EPHA6: variants seen among roughly 807,000 people sequenced by gnomAD.
EPHA6 encodes EPH receptor A6, also known as ephrin type-A receptor 6.
EPHA6 carries 50 observed loss-of-function variants against 112.0 expected under a neutral mutation model. That is an observed-to-expected ratio of 0.45 (90% CI 0.36 to 0.56). The LOEUF (loss-of-function observed/expected upper bound fraction) is 0.56. Ranked by LOEUF, EPHA6 falls within the 20% of genes least tolerant of loss-of-function variation. The pLI is 0.00. For missense variants in EPHA6, 1,280 were observed against 1,417.4 expected (o/e 0.90, Z 1.56); for synonymous variants, 529 against 490.7 (o/e 1.08, Z -1.03).
At chr3:96,916,178 T>C (rs2039474525) in intron 2 of EPHA6, among the ~76,000 whole-genome samples, 1 of 152,146 alleles carries the variant, frequency 6.6e-6, no homozygotes, top group Admixed American at 6.6e-5. Flanking sequence ...TTGAGCTTCT[T>C]GGTTCCAGGG....
chr3:97,735,844 T>C (rs1489187051), intron 15 of EPHA6, 81 bp from the exon 16 acceptor site: 2 of 1,087,840 alleles, frequency 1.8e-6, no homozygotes, highest in African/African-American at 1.6e-5. Context: ...TTTTGGCTTC[T>C]TCTGCTTGTA....
At chr3:97,525,949 T>G (rs2107632382) in intron 10 of EPHA6, among the ~76,000 whole-genome samples, 1 of 152,276 alleles carries the variant, frequency 6.6e-6, no homozygotes, top group South Asian at 2.1e-4. Flanking sequence ...GGACTCCTGT[T>G]GGATAACTAA....
At chr3:96,828,936 G>T (rs2033838423) in intron 1 of EPHA6, among the ~76,000 whole-genome samples, 1 of 152,152 alleles carries the variant, frequency 6.6e-6, no homozygotes, top group East Asian at 1.9e-4. Flanking sequence ...AATACTTGCA[G>T]ATCTAGAGAT....
At chr3:97,742,612 A>G (rs146130659) in intron 16 of EPHA6, among the ~76,000 whole-genome samples, 1 of 152,264 alleles carries the variant, frequency 6.6e-6, no homozygotes, top group East Asian at 1.9e-4. Context: ...TGTCCTTAAC[A>G]CTGTGGAGTT....
chr3:97,195,925 T>C (rs928206338), intron 3 of EPHA6, among the ~76,000 whole-genome samples: 1 of 152,072 alleles, frequency 6.6e-6, no homozygotes, highest in Admixed American at 6.6e-5. Flanking sequence ...TCTTTATCCT[T>C]GACTTTTATG....
intron 14 of EPHA6, among the ~76,000 whole-genome samples, chr3:97,714,119 G>A (rs1268739830): frequency 6.6e-6 from 1 of 152,210 alleles, no homozygotes; most frequent in Non-Finnish European, 1.5e-5. Context: ...GGGCATGGTA[G>A]GGGTGAGTTC....
intron 3 of EPHA6, among the ~76,000 whole-genome samples, chr3:97,142,962 G>T (rs1002272878): frequency 6.6e-6 from 1 of 151,820 alleles, no homozygotes; most frequent in African/African-American, 2.4e-5. Flanking sequence ...ATTCAACATA[G>T]TACTGGATTC....
At chr3:97,225,264 T>C (rs1293613288) in intron 3 of EPHA6, among the ~76,000 whole-genome samples, 2 of 152,188 alleles carry the variant, frequency 1.3e-5, no homozygotes, top group Non-Finnish European at 2.9e-5. Flanking sequence ...AATTTTGGGC[T>C]AATTATTAAC....
intron 2 of EPHA6, among the ~76,000 whole-genome samples, chr3:96,901,002 T>C (rs1281694471): frequency 1.3e-5 from 2 of 152,192 alleles, no homozygotes; most frequent in African/African-American, 4.8e-5. Context: ...TAAACTTGAT[T>C]TCATGGCTAG....
Position 97,092,557 on chromosome 3 carries a change from G to C in EPHA6, c.1114+104564G>C, listed in dbSNP as rs568877047. On this transcript the variant is annotated intron_variant, in intron 3 of 17. Coordinates refer to ENST00000389672, the MANE Select transcript of EPHA6 (RefSeq NM_001080448.3). ...CAAAAGTATATCTATAAATCTGGCT[G>C]AGTGAATTAACTCAGCAGGTCTATT... 2.6e-5 allele frequency among the ~76,000 whole-genome samples: 4 copies of C among 152,172 alleles called. No homozygotes were observed. In the South Asian group the frequency reaches 8.3e-4, roughly 32 times the overall value.
chr3:97,282,894 T>A (rs1367080078), intron 5 of EPHA6, among the ~76,000 whole-genome samples: 1 of 152,074 alleles, frequency 6.6e-6, no homozygotes, highest in Non-Finnish European at 1.5e-5. Flanking sequence ...GGGCTTAATA[T>A]CTAGGTGATA....
chr3:97,587,565 CT>C (rs1375485581), intron 11 of EPHA6, among the ~76,000 whole-genome samples: 1 of 152,164 alleles, frequency 6.6e-6, no homozygotes, highest in African/African-American at 2.4e-5. Context: ...AATAATCACA[CT>C]ACAAACAGGC....
At chr3:97,110,488 G>A (rs771041458) in intron 3 of EPHA6, among the ~76,000 whole-genome samples, 3 of 151,886 alleles carry the variant, frequency 2.0e-5, no homozygotes, top group Non-Finnish European at 2.9e-5. Flanking sequence ...ACTCAGAAAT[G>A]TTAGATTGCC....
At chr3:97,557,843 G>C (rs2093134584) in intron 11 of EPHA6, among the ~76,000 whole-genome samples, 1 of 151,680 alleles carries the variant, frequency 6.6e-6, no homozygotes. Context: ...TTTTCTTTAG[G>C]ATGTTTTCCT....
chr3:97,748,517 A>ATCTC (rs71113865), intron 17 of EPHA6, 70 bp from the exon 18 acceptor site: 44 of 719,202 alleles, frequency 6.1e-5, no homozygotes, highest in Middle Eastern at 2.4e-4. Flanking sequence ...CATATTCTGT[A>ATCTC]TCTCTCTCTC....
intron 5 of EPHA6, among the ~76,000 whole-genome samples, chr3:97,372,034 C>T (rs6439146): frequency 0.86 from 130,199 of 152,092 alleles, 59,060 homozygotes; most frequent in Non-Finnish European, 1. Context: ...AATTTTGCCC[C>T]GGTCCTGTGA....
chr3:96,895,709 G>A (rs920265349), intron 2 of EPHA6, among the ~76,000 whole-genome samples: 3 of 152,052 alleles, frequency 2.0e-5, no homozygotes, highest in Admixed American at 6.5e-5. Flanking sequence ...AATATTTACT[G>A]TTGTGTTACA....
Position 96,854,180 on chromosome 3 carries a change from T to A in EPHA6, c.386-12645T>A, listed in dbSNP as rs1338654034. Among the ~76,000 whole-genome samples the A allele has an allele frequency of 3.5e-5, 4 of 115,578 alleles. No homozygotes were observed. In the South Asian group the frequency reaches 7.9e-4, roughly 23 times the overall value. The allele number at this position is 115,578 out of a possible 152,430, so 75.8% of individuals were successfully genotyped here. On this transcript the variant is annotated intron_variant, in intron 1 of 17. Coordinates refer to ENST00000389672, the MANE Select transcript of EPHA6 (RefSeq NM_001080448.3). ...TACTTCAACTCTGTTTAATCATGAC[T>A]TTTTTTTTTTTTTTTTTGAGATGGA...
chr3:96,836,419 T>G (rs1204804382), intron 1 of EPHA6, among the ~76,000 whole-genome samples: 3 of 152,128 alleles, frequency 2.0e-5, no homozygotes, highest in Non-Finnish European at 4.4e-5. Context: ...GGTAAAGTGC[T>G]GATAATCCTT....
Sources: gnomAD v4.1 joint callset for allele counts (sites outside exome capture counted in the v4.1 genomes callset) on GRCh38, gnomAD v4.1.1 for gene constraint, MANE v1.5 for transcripts, NCBI Gene and HGNC (gene_info 2026-07-23, HGNC 2026-07-21) for gene names.